Variants in CBFB observed in about 807,000 individuals in gnomAD.
CBFB encodes the protein core-binding factor subunit beta.
A neutral mutation model predicts 30.4 loss-of-function variants in CBFB; 9 were observed. The observed-to-expected ratio is 0.30, with a 90% CI of 0.18 to 0.52. The LOEUF (loss-of-function observed/expected upper bound fraction) is 0.52, where lower values mean the gene tolerates loss of function less well. Ranked by LOEUF, CBFB falls within the 20% of genes least tolerant of loss-of-function variation. The pLI, the probability that CBFB is intolerant of heterozygous loss-of-function variation, is 0.97. For missense variants in CBFB, 170 were observed against 244.0 expected (o/e 0.70, Z 2.02); for synonymous variants, 94 against 84.0 (o/e 1.12, Z -0.65).
intron 3 of CBFB, among the ~76,000 whole-genome samples, chr16:67,052,164 G>A (rs918755961): frequency 4.6e-5 from 7 of 152,162 alleles, no homozygotes; most frequent in African/African-American, 1.4e-4. Flanking sequence ...GCAGGCGTGA[G>A]CCACTGTGCC....
At chr16:67,037,825 C>T (rs1208215439) in intron 3 of CBFB, among the ~76,000 whole-genome samples, 1 of 151,828 alleles carries the variant, frequency 6.6e-6, no homozygotes, top group Non-Finnish European at 1.5e-5. Flanking sequence ...TGCGCCACCA[C>T]GCCTGGCTAA....
rs756528437 is a variant in CBFB at position 67,099,974 on chromosome 16, ATATG to A, written c.*1197_*1200del. On this transcript the variant is annotated 3_prime_UTR_variant, in exon 6 of 6. Transcript: ENST00000412916. ...CTGGAAAAAACGTTCACAGTTATAT[ATATG>A]GTATTTTGCAAAAGGACTATTAATA... 95 of 207,806 alleles carry A rather than the reference ATATG, an allele frequency of 4.6e-4. No homozygotes were observed. Among genetic ancestry groups the A allele is most frequent in the Non-Finnish European group, 4.9e-5 (5 of 101,846 alleles). The allele number at this position is 207,806 out of a possible 1,614,324, so 12.9% of individuals were successfully genotyped here.
intron 1 of CBFB, 45 bp downstream of exon 1, chr16:67,029,530 A>G (rs762101041): frequency 6.5e-7 from 1 of 1,543,456 alleles, no homozygotes; most frequent in South Asian, 1.2e-5. Flanking sequence ...GCGCGCCCCG[A>G]GTGGGCCCGG....
chr16:67,029,916 C>T, intron 2 of CBFB, 103 bp downstream of exon 2: 1 of 669,366 alleles, frequency 1.5e-6, no homozygotes, highest in South Asian at 2.7e-5. Flanking sequence ...GCTCCCGGAA[C>T]TGAGTGGGCG....
At chr16:67,068,396 G>T (rs1265915239) in intron 4 of CBFB, among the ~76,000 whole-genome samples, 1 of 152,026 alleles carries the variant, frequency 6.6e-6, no homozygotes, top group Admixed American at 6.6e-5. Context: ...TGGAAGGATC[G>T]CTTGAGTCCA....
At chr16:67,034,281 A>G (rs1020497136) in intron 2 of CBFB, among the ~76,000 whole-genome samples, 1 of 152,216 alleles carries the variant, frequency 6.6e-6, no homozygotes, top group African/African-American at 2.4e-5. Flanking sequence ...TTGAATGGTA[A>G]AAAGTATGTT....
At chr16:67,060,090 C>T (rs1303054843) in intron 3 of CBFB, among the ~76,000 whole-genome samples, 1 of 151,832 alleles carries the variant, frequency 6.6e-6, no homozygotes, top group African/African-American at 2.4e-5. Context: ...TCCTCCCCAC[C>T]TCAGTCTGCA....
intron 4 of CBFB, among the ~76,000 whole-genome samples, chr16:67,078,652 T>C (rs975865394): frequency 6.6e-6 from 1 of 152,114 alleles, no homozygotes; most frequent in East Asian, 1.9e-4. Flanking sequence ...AATGATACTT[T>C]TTATTCTTGT....
rs1349335440 is a variant in CBFB at position 67,031,677 on chromosome 16, A to AT, written c.165+1871dup. Among the ~76,000 whole-genome samples the AT allele has an allele frequency of 7.3e-5, 11 of 151,484 alleles. 1 individual carries two copies. In the South Asian group the frequency reaches 1.7e-3, roughly 23 times the overall value. On this transcript the variant is annotated intron_variant, in intron 2 of 5. Transcript: ENST00000412916. ...AGGCACACACCACCACGCCCGGCTA[A>AT]TTTTTTTGTATTTTTAGTAGAGACG...
At chr16:67,057,767 C>T (rs1022293302) in intron 3 of CBFB, among the ~76,000 whole-genome samples, 38 of 151,986 alleles carry the variant, frequency 2.5e-4, no homozygotes, top group Non-Finnish European at 1.5e-4. Flanking sequence ...AATAAAATAT[C>T]CTTTTACTAT....
At chr16:67,057,077 G>T (rs1226829016) in intron 3 of CBFB, among the ~76,000 whole-genome samples, 1 of 151,660 alleles carries the variant, frequency 6.6e-6, no homozygotes, top group East Asian at 1.9e-4. Flanking sequence ...TTGCCTCCTG[G>T]ATTCAAGTGA....
At chr16:67,088,591 A>G (rs975141021) in intron 5 of CBFB, among the ~76,000 whole-genome samples, 1 of 152,254 alleles carries the variant, frequency 6.6e-6, no homozygotes, top group Non-Finnish European at 1.5e-5. Flanking sequence ...AAAATCTGCC[A>G]GGAGAGATTA....
chr16:67,086,164 T>C (rs1366555681), intron 5 of CBFB, among the ~76,000 whole-genome samples: 1 of 152,230 alleles, frequency 6.6e-6, no homozygotes, highest in Admixed American at 6.5e-5. Flanking sequence ...TATATGTGAA[T>C]ACAAGACTTC....
At chr16:67,060,235 TAAGATTAC>T (rs1960867810) in intron 3 of CBFB, among the ~76,000 whole-genome samples, 3 of 152,056 alleles carry the variant, frequency 2.0e-5, no homozygotes, top group Admixed American at 1.3e-4. Context: ...CAAAGTATGC[TAAGATTAC>T]AAGCGTGAGC....
chr16:67,032,463 T>C lies in CBFB; in HGVS notation c.165+2650T>C, dbSNP rs553473066. 4.6e-5 allele frequency among the ~76,000 whole-genome samples: 7 copies of C among 152,364 alleles called. No homozygotes were observed. The South Asian group carries it at 1.4e-3, about 32-fold the overall frequency. ...GCTCATGTCTTATTTTGTTAAATAA[T>C]GTAACTATTGGTATTTGGAGAGGAA... is the stretch of plus-strand genomic sequence containing the variant. On this transcript the variant is annotated intron_variant, in intron 2 of 5. Coordinates refer to ENST00000412916, the MANE Select transcript of CBFB (RefSeq NM_022845.3).
intron 2 of CBFB, among the ~76,000 whole-genome samples, chr16:67,033,555 A>G (rs1316289499): frequency 6.6e-6 from 1 of 151,260 alleles, no homozygotes; most frequent in Non-Finnish European, 1.5e-5. Context: ...GCTGGCCTCA[A>G]GTGATGTGCC....
At chr16:67,086,487 A>G (rs1961734984) in intron 5 of CBFB, among the ~76,000 whole-genome samples, 1 of 152,188 alleles carries the variant, frequency 6.6e-6, no homozygotes, top group South Asian at 2.1e-4. Context: ...CATGAGATGG[A>G]GCCCCTGATT....
chr16:67,069,237 G>A (rs994130873), intron 4 of CBFB, among the ~76,000 whole-genome samples: 1 of 152,076 alleles, frequency 6.6e-6, no homozygotes, highest in African/African-American at 2.4e-5. Context: ...GAGTGTTGTG[G>A]CATATGCCTG....
At chr16:67,031,522 T>G (rs1050289190) in intron 2 of CBFB, among the ~76,000 whole-genome samples, 2 of 152,268 alleles carry the variant, frequency 1.3e-5, no homozygotes, top group African/African-American at 4.8e-5. Context: ...TTTGCTTTTT[T>G]GTTTTGAGAC....
Sources: gnomAD v4.1 joint callset for allele counts (sites outside exome capture counted in the v4.1 genomes callset) on GRCh38, gnomAD v4.1.1 for gene constraint, MANE v1.5 for transcripts, NCBI Gene and HGNC (gene_info 2026-07-23, HGNC 2026-07-21) for gene names.